The following SCPEP1 variants were observed in gnomAD, a reference collection of about 807,000 sequenced individuals.
SCPEP1 encodes the protein serine carboxypeptidase 1.
In SCPEP1, 51 loss-of-function variants were observed where a neutral mutation model predicts 63.8. The ratio of observed to expected loss-of-function variants is 0.80; its 90% CI spans 0.64 to 1.01. The LOEUF (loss-of-function observed/expected upper bound fraction) is 1.01, where lower values mean the gene tolerates loss of function less well. SCPEP1 is among the 50% of genes least tolerant of loss of function. The probability of loss-of-function intolerance (pLI) is 0.00; values close to 1 mark genes in which losing one functional copy is unlikely to be tolerated. For missense variants in SCPEP1, 499 were observed against 554.9 expected, an observed-to-expected ratio of 0.90 and a Z score of 1.01; for synonymous variants, 204 against 207.8, an observed-to-expected ratio of 0.98 and a Z score of 0.16.
intron 1 of SCPEP1, 145 bp downstream of exon 1, chr17:56,978,380 C>CT (rs71139945): frequency 0.019 from 14,571 of 771,772 alleles, no homozygotes; most frequent in Non-Finnish European, 0.021. Context: ...GAATCTCACT[C>CT]TTTTTTTTTT....
chr17:56,988,107 G>A (rs1284439547), intron 4 of SCPEP1, 109 bp from the exon 5 acceptor site: 8 of 920,308 alleles, frequency 8.7e-6, no homozygotes, highest in Non-Finnish European at 1.3e-5. Context: ...GGAAGACAAA[G>A]CAGATTTGTT....
intron 2 of SCPEP1, chr17:56,984,234 A>C (rs976872737): frequency 6.6e-6 from 1 of 152,356 alleles, no homozygotes; most frequent in African/African-American, 2.4e-5. Flanking sequence ...TCGTCTTTTC[A>C]TATCTCCCTT....
At chr17:56,987,189 A>G (rs746746092) in intron 3 of SCPEP1, 1 of 152,368 alleles carries the variant, frequency 6.6e-6, no homozygotes, top group Non-Finnish European at 1.5e-5. Flanking sequence ...TGTAAATTTT[A>G]TAACTTTCAA....
chr17:56,993,969 A>G (rs1911471984), intron 6 of SCPEP1, among the ~76,000 whole-genome samples: 1 of 152,250 alleles, frequency 6.6e-6, no homozygotes, highest in African/African-American at 2.4e-5. Context: ...TTGAAGGTTA[A>G]GCCCGGGAGG....
intron 11 of SCPEP1, among the ~76,000 whole-genome samples, chr17:57,001,709 CCTGT>C (rs1387205940): frequency 1.3e-5 from 2 of 152,230 alleles, no homozygotes; most frequent in Admixed American, 6.5e-5. Context: ...TCCTCACAGG[CCTGT>C]CTGCCTCCAG....
At chr17:57,002,706 C>G (rs1911775228) in intron 12 of SCPEP1, among the ~76,000 whole-genome samples, 1 of 151,550 alleles carries the variant, frequency 6.6e-6, no homozygotes, top group Admixed American at 6.6e-5. Flanking sequence ...GACTCTGTCT[C>G]AAAAAAGAAC....
intron 6 of SCPEP1, among the ~76,000 whole-genome samples, chr17:56,993,187 A>G (rs905395796): frequency 2.0e-5 from 3 of 152,186 alleles, no homozygotes; most frequent in Non-Finnish European, 4.4e-5. Flanking sequence ...CACTTGCCAC[A>G]TGTGACTATA....
chr17:57,000,856 C>T lies in SCPEP1; in HGVS notation c.996C>T (p.Gly332=), dbSNP rs772729469. Residue 332 remains glycine (G), a splice_region_variant and synonymous_variant, in exon 11 of 13, where the codon GGC becomes GGT. Coordinates refer to ENST00000262288, the MANE Select transcript of SCPEP1 (RefSeq NM_021626.3). ...KIIPEDQSWG[G]QATNVFVNME... is the part of the protein sequence containing the mutation. ...CTCTTTCTCCTTCCCCATGTGCAGG[C>T]CAGGCTACCAACGTCTTTGTGAACA... The T allele has an allele frequency of 6.2e-7, 1 of 1,613,974 alleles. No individual in the cohort carries two copies. The highest frequency in any genetic ancestry group is 1.3e-5 in the African/African-American group (1 of 74,914).
At chr17:56,981,416 G>A (rs1312024903) in intron 2 of SCPEP1, among the ~76,000 whole-genome samples, 186 bp downstream of exon 2, 1 of 152,186 alleles carries the variant, frequency 6.6e-6, no homozygotes, top group African/African-American at 2.4e-5. Flanking sequence ...TAAATCAGAG[G>A]GCGAGGGGGT....
intron 11 of SCPEP1, among the ~76,000 whole-genome samples, chr17:57,001,671 C>T (rs1352944492): frequency 6.6e-6 from 1 of 152,226 alleles, no homozygotes; most frequent in East Asian, 1.9e-4. Flanking sequence ...ATCCTTATCA[C>T]TATCTCGTTC....
chr17:56,987,579 C>A, intron 3 of SCPEP1, 116 bp from the exon 4 acceptor site: 1 of 871,382 alleles, frequency 1.1e-6, no homozygotes, highest in Non-Finnish European at 1.7e-6. Context: ...GGGATATCAT[C>A]ACCACGCTGG....
At chr17:56,985,896 C>T (rs1371103932) in intron 3 of SCPEP1, among the ~76,000 whole-genome samples, 1 of 151,976 alleles carries the variant, frequency 6.6e-6, no homozygotes, top group Non-Finnish European at 1.5e-5. Flanking sequence ...CTTCTCACAC[C>T]TCCCCCTCAT....
chr17:56,987,685 T>C lies in SCPEP1; in HGVS notation c.316-10T>C. On this transcript the variant is annotated splice_polypyrimidine_tract_variant and intron_variant, in intron 3 of 12. Coordinates refer to ENST00000262288, the MANE Select transcript of SCPEP1 (RefSeq NM_021626.3). ...GATTGCAACATTTCGTTTTCCTCCGTGGTACATAGCTCCAGGCTGCCAGTC... is the reference window on the plus strand; with the variant it reads ...GATTGCAACATTTCGTTTTCCTCCGCGGTACATAGCTCCAGGCTGCCAGTC... 6.2e-7 allele frequency: 1 copy of C among 1,611,116 alleles called. No individual in the cohort carries two copies. Among genetic ancestry groups the C allele is most frequent in the Non-Finnish European group, 8.5e-7 (1 of 1,178,876 alleles).
chr17:56,980,788 CAAAAAAAAAAAA>C (rs10716600), intron 1 of SCPEP1, among the ~76,000 whole-genome samples: 2,092 of 77,324 alleles, frequency 0.027, 28 homozygotes, highest in Non-Finnish European at 0.037. Flanking sequence ...GACTTCGTAT[CAAAAAAAAAAAA>C]AAAAAAAAAA....
chr17:56,995,799 A>G (rs1911531701), intron 8 of SCPEP1, 164 bp downstream of exon 8: 3 of 591,902 alleles, frequency 5.1e-6, no homozygotes, highest in East Asian at 4.4e-5. Flanking sequence ...GCAGTGATGT[A>G]GTGGCTCCTT....
At chr17:56,995,347 G>T in intron 7 of SCPEP1, 160 bp from the exon 8 acceptor site, 1 of 724,534 alleles carries the variant, frequency 1.4e-6, no homozygotes. Context: ...AATTTGCTGT[G>T]TTTCATCCAA....
chr17:56,979,607 AAAGTT>A (rs536507975), intron 1 of SCPEP1, among the ~76,000 whole-genome samples: 165 of 152,368 alleles, frequency 1.1e-3, no homozygotes, highest in African/African-American at 3.8e-3. Context: ...GGATGCTAGA[AAAGTT>A]AAGTAAGGAA....
chr17:57,004,286 A>C (rs1911823919), intron 12 of SCPEP1, among the ~76,000 whole-genome samples: 1 of 152,222 alleles, frequency 6.6e-6, no homozygotes, highest in Admixed American at 6.5e-5. Context: ...GCTGCTCTGG[A>C]GGCTGAGTGA....
At position 56,987,682 on chromosome 17, in the gene SCPEP1, C is replaced by T. The variant is rs752466659; in HGVS notation, c.316-13C>T. On this transcript the variant is annotated splice_polypyrimidine_tract_variant and intron_variant, in intron 3 of 12. Coordinates refer to ENST00000262288, the MANE Select transcript of SCPEP1 (RefSeq NM_021626.3). ...TCTGATTGCAACATTTCGTTTTCCT[C>T]CGTGGTACATAGCTCCAGGCTGCCA... 5.0e-6 allele frequency: 8 copies of T among 1,608,482 alleles called. No homozygotes were observed. The African/African-American group carries it at 8.0e-5, about 16-fold the overall frequency.
Sources: allele counts gnomAD v4.1 joint callset (sites outside exome capture counted in the v4.1 genomes callset), GRCh38; gene constraint gnomAD v4.1.1; transcripts MANE v1.5; gene names NCBI Gene and HGNC (gene_info 2026-07-23, HGNC 2026-07-21).